Variants in CCDC85A observed in about 807,000 individuals in gnomAD.
CCDC85A encodes the protein coiled-coil domain containing 85A.
CCDC85A carries 38 observed loss-of-function variants against 50.2 expected under a neutral mutation model. The observed-to-expected ratio is 0.76, with a 90% CI of 0.58 to 0.99. The LOEUF (loss-of-function observed/expected upper bound fraction) is 0.99, where lower values mean the gene tolerates loss of function less well. Among genes scored for constraint, CCDC85A ranks in the 50% least tolerant of loss-of-function variants. The pLI is 0.00. For synonymous variants in CCDC85A, 366 were observed against 301.4 expected, an observed-to-expected ratio of 1.21 and a Z score of -2.22; for missense variants, 820 against 742.0, an observed-to-expected ratio of 1.11 and a Z score of -1.22.
At chr2:56,377,068 A>G (rs982085418) in intron 5 of CCDC85A, among the ~76,000 whole-genome samples, 1 of 152,242 alleles carries the variant, frequency 6.6e-6, no homozygotes, top group African/African-American at 2.4e-5. Context: ...CTTATACAAA[A>G]TGAATTTGCT....
intron 2 of CCDC85A, among the ~76,000 whole-genome samples, chr2:56,336,424 G>T (rs1406189577): frequency 6.6e-6 from 1 of 152,138 alleles, no homozygotes; most frequent in Non-Finnish European, 1.5e-5. Context: ...AAAGTGCTAG[G>T]ACTGTAGGTG....
At chr2:56,193,729 G>T (rs1338615182) in intron 2 of CCDC85A, among the ~76,000 whole-genome samples, 1 of 152,034 alleles carries the variant, frequency 6.6e-6, no homozygotes, top group Non-Finnish European at 1.5e-5. Flanking sequence ...GAAATCTTTG[G>T]GTATTGGTGA....
intron 2 of CCDC85A, among the ~76,000 whole-genome samples, chr2:56,304,795 T>TC (rs1672358682): frequency 1.3e-5 from 2 of 151,798 alleles, no homozygotes; most frequent in South Asian, 4.2e-4. Context: ...ACACCTGCAA[T>TC]CCCAGCACTT....
intron 3 of CCDC85A, among the ~76,000 whole-genome samples, chr2:56,355,826 A>C (rs1037739994): frequency 2.0e-4 from 30 of 152,214 alleles, no homozygotes; most frequent in Non-Finnish European, 1.0e-4. Context: ...TCATGACCTA[A>C]AATGCCTCTC....
intron 2 of CCDC85A, among the ~76,000 whole-genome samples, chr2:56,245,071 G>C (rs1669441004): frequency 6.6e-6 from 1 of 152,170 alleles, no homozygotes; most frequent in Non-Finnish European, 1.5e-5. Flanking sequence ...TAGCCACCCT[G>C]ACTGGTGTCT....
Position 56,230,760 on chromosome 2 carries a change from G to A in CCDC85A, c.1240+37320G>A, listed in dbSNP as rs190896691. Among the ~76,000 whole-genome samples the A allele has an allele frequency of 3.9e-5, 6 of 152,262 alleles. No individual in the cohort carries two copies. The East Asian group carries it at 9.6e-4, about 24-fold the overall frequency. ...TTATTTCGTTTTTTAACTTTGACTT[G>A]TTTATCATCTGAGCCCCTGTGAGTG... is the stretch of plus-strand genomic sequence containing the variant. On this transcript the variant is annotated intron_variant, in intron 2 of 5. Transcript: ENST00000407595.
chr2:56,368,292 T>C (rs1675905760), intron 3 of CCDC85A, among the ~76,000 whole-genome samples: 1 of 152,082 alleles, frequency 6.6e-6, no homozygotes, highest in Non-Finnish European at 1.5e-5. Context: ...GGCAAGAGGG[T>C]CTTAGCATTT....
rs1424026697 is a variant in CCDC85A at position 56,244,588 on chromosome 2, T to A, written c.1240+51148T>A. On this transcript the variant is annotated intron_variant, in intron 2 of 5. Transcript: ENST00000407595. ...TGTGGATAAGCTGGTACCTAGGCTG[T>A]AAGACACAGTCTCCTCTGTTTTTCC... Among the ~76,000 whole-genome samples the A allele has an allele frequency of 6.6e-5, 10 of 151,744 alleles. No individual in the cohort carries two copies. The South Asian group carries it at 8.3e-4, about 13-fold the overall frequency.
At chr2:56,354,055 A>G (rs1232058008) in intron 3 of CCDC85A, among the ~76,000 whole-genome samples, 1 of 152,228 alleles carries the variant, frequency 6.6e-6, no homozygotes, top group Non-Finnish European at 1.5e-5. Context: ...ATGTTATCTC[A>G]TATTGCATGT....
intron 2 of CCDC85A, among the ~76,000 whole-genome samples, chr2:56,211,054 T>G (rs6749100): frequency 2.0e-5 from 3 of 151,844 alleles, no homozygotes; most frequent in African/African-American, 7.3e-5. Flanking sequence ...TACCAACTTA[T>G]GTTATCTGAC....
chr2:56,318,810 A>G (rs879665970), intron 2 of CCDC85A, among the ~76,000 whole-genome samples: 2 of 152,086 alleles, frequency 1.3e-5, no homozygotes, highest in Non-Finnish European at 2.9e-5. Context: ...TCAGATTCCC[A>G]ATGCTTATGT....
intron 2 of CCDC85A, among the ~76,000 whole-genome samples, chr2:56,298,713 C>T (rs73940645): frequency 0.033 from 5,006 of 152,144 alleles, 283 homozygotes; most frequent in African/African-American, 0.11. Context: ...ATCTAGAGAT[C>T]GGAGAATAGG....
chr2:56,290,997 T>C (rs1219745242), intron 2 of CCDC85A, among the ~76,000 whole-genome samples: 1 of 152,252 alleles, frequency 6.6e-6, no homozygotes, highest in African/African-American at 2.4e-5. Flanking sequence ...GTTTTGCAGA[T>C]TCATTTGACC....
At chr2:56,186,872 C>G (rs1441741506) in intron 1 of CCDC85A, among the ~76,000 whole-genome samples, 1 of 152,160 alleles carries the variant, frequency 6.6e-6, no homozygotes, top group South Asian at 2.1e-4. Flanking sequence ...TCCTTGTGAT[C>G]TAGATTCATG....
At chr2:56,255,392 G>GT (rs1363240402) in intron 2 of CCDC85A, among the ~76,000 whole-genome samples, 1 of 152,148 alleles carries the variant, frequency 6.6e-6, no homozygotes, top group African/African-American at 2.4e-5. Context: ...TCCTAGGTAA[G>GT]TGGTAGAATT....
chr2:56,189,158 T>G (rs1490545832), intron 1 of CCDC85A, among the ~76,000 whole-genome samples: 3 of 152,124 alleles, frequency 2.0e-5, no homozygotes, highest in African/African-American at 7.2e-5. Context: ...TAGCTCATAA[T>G]TAGCTGGCAA....
chr2:56,226,699 A>G (rs781458368), intron 2 of CCDC85A, among the ~76,000 whole-genome samples: 1 of 152,086 alleles, frequency 6.6e-6, no homozygotes, highest in African/African-American at 2.4e-5. Flanking sequence ...TCCCAAATGT[A>G]GTAATGGCAA....
chr2:56,187,961 C>T (rs930704240), intron 1 of CCDC85A, among the ~76,000 whole-genome samples: 2 of 152,300 alleles, frequency 1.3e-5, no homozygotes, highest in East Asian at 3.9e-4. Flanking sequence ...ACCCAACCAC[C>T]GACCCGCCCA....
chr2:56,260,929 C>T (rs1057491546), intron 2 of CCDC85A, among the ~76,000 whole-genome samples: 5 of 152,186 alleles, frequency 3.3e-5, no homozygotes, highest in African/African-American at 4.8e-5. Flanking sequence ...AACTTGCCTT[C>T]ACAAAAAATA....
Sources: allele counts gnomAD v4.1 joint callset (sites outside exome capture counted in the v4.1 genomes callset), GRCh38; gene constraint gnomAD v4.1.1; transcripts MANE v1.5; gene names NCBI Gene and HGNC (gene_info 2026-07-23, HGNC 2026-07-21).